Variants in SUGCT observed in about 807,000 individuals in gnomAD.
The protein encoded by SUGCT is succinyl-CoA:glutarate CoA-transferase.
Under a neutral mutation model 55.0 loss-of-function variants are expected in SUGCT, and 41 were observed. The observed-to-expected ratio is 0.74, with a 90% CI of 0.58 to 0.97. The LOEUF is 0.97. Among genes scored for constraint, SUGCT ranks in the 50% least tolerant of loss-of-function variants. SUGCT has a pLI of 0.00. For synonymous variants in SUGCT, 187 were observed against 200.4 expected (o/e 0.93, Z 0.56); for missense variants, 568 against 547.8 (o/e 1.04, Z -0.37).
chr7:40,266,154 T>C (rs1426148166), intron 7 of SUGCT, among the ~76,000 whole-genome samples: 1 of 150,842 alleles, frequency 6.6e-6, no homozygotes, highest in Non-Finnish European at 1.5e-5. Context: ...GAAATAGTTT[T>C]TTTTCTTTTT....
chr7:40,329,712 C>T (rs938758630), intron 9 of SUGCT, among the ~76,000 whole-genome samples: 8 of 152,052 alleles, frequency 5.3e-5, no homozygotes, highest in African/African-American at 1.9e-4. Context: ...ATTTGTTTTC[C>T]TTAGACCCTT....
At chr7:40,622,004 T>C (rs905402747) in intron 12 of SUGCT, among the ~76,000 whole-genome samples, 1 of 152,222 alleles carries the variant, frequency 6.6e-6, no homozygotes, top group Non-Finnish European at 1.5e-5. Flanking sequence ...GTTAGGCAGC[T>C]GTCCACAGCA....
At chr7:40,706,449 T>C (rs1341832778) in intron 12 of SUGCT, among the ~76,000 whole-genome samples, 1 of 152,150 alleles carries the variant, frequency 6.6e-6, no homozygotes, top group Non-Finnish European at 1.5e-5. Context: ...GAGGTTGCAG[T>C]GAGCCAAGAT....
intron 12 of SUGCT, among the ~76,000 whole-genome samples, chr7:40,721,271 G>C (rs1390106838): frequency 6.6e-6 from 1 of 152,190 alleles, no homozygotes; most frequent in Non-Finnish European, 1.5e-5. Flanking sequence ...AACCAGATTA[G>C]CATGAAACAG....
intron 12 of SUGCT, among the ~76,000 whole-genome samples, chr7:40,704,614 C>T (rs763117744): frequency 5.9e-5 from 9 of 152,106 alleles, no homozygotes; most frequent in Admixed American, 1.3e-4. Context: ...GGCAATCTGT[C>T]CAAGGATGAG....
At chr7:40,464,176 TCTCTCTTC>T (rs2151456197) in intron 11 of SUGCT, among the ~76,000 whole-genome samples, 1 of 152,314 alleles carries the variant, frequency 6.6e-6, no homozygotes, top group African/African-American at 2.4e-5. Context: ...TTTTATTCTC[TCTCTCTTC>T]CTCTCTTCAC....
intron 12 of SUGCT, among the ~76,000 whole-genome samples, chr7:40,579,150 G>A (rs1002193952): frequency 2.0e-5 from 3 of 150,782 alleles, no homozygotes; most frequent in African/African-American, 7.3e-5. Context: ...ATAACTTTTT[G>A]TGATCTGCCA....
chr7:40,299,453 C>A (rs1393154549), intron 8 of SUGCT, among the ~76,000 whole-genome samples: 1 of 152,168 alleles, frequency 6.6e-6, no homozygotes, highest in Non-Finnish European at 1.5e-5. Flanking sequence ...TGTAAACACT[C>A]CCACATAGCT....
the SUGCT span, among the ~76,000 whole-genome samples, chr7:40,960,417 G>A: frequency 6.6e-6 from 1 of 152,128 alleles, no homozygotes; most frequent in Non-Finnish European, 1.5e-5. Context: ...AATGACATCA[G>A]TATTTTTGAG....
chr7:40,339,451 G>A (rs113133936), intron 9 of SUGCT, among the ~76,000 whole-genome samples: 2,331 of 152,212 alleles, frequency 0.015, 49 homozygotes, highest in South Asian at 0.06. Flanking sequence ...AATGGTGGGC[G>A]CCCCTCTCCT....
chr7:40,621,758 C>G (rs1395862796), intron 12 of SUGCT, among the ~76,000 whole-genome samples: 7 of 152,200 alleles, frequency 4.6e-5, no homozygotes. Context: ...GCTATCTTAT[C>G]TTTAAACCAA....
intron 12 of SUGCT, among the ~76,000 whole-genome samples, chr7:40,534,443 G>C (rs535845190): frequency 2.0e-5 from 3 of 151,880 alleles, no homozygotes; most frequent in African/African-American, 7.2e-5. Flanking sequence ...TTAGTGCAGT[G>C]GCACGATCTT....
intron 12 of SUGCT, among the ~76,000 whole-genome samples, chr7:40,703,374 T>C (rs1785252727): frequency 6.6e-6 from 1 of 152,186 alleles, no homozygotes; most frequent in South Asian, 2.1e-4. Flanking sequence ...CCTGGAGATC[T>C]CAGCACAGGT....
chr7:40,850,567 G>T (rs951439583), intron 13 of SUGCT, among the ~76,000 whole-genome samples: 2 of 152,066 alleles, frequency 1.3e-5, no homozygotes, highest in Non-Finnish European at 2.9e-5. Context: ...AAAGAGTGTG[G>T]CTTGGGTAAT....
chr7:40,496,993 T>C (rs1792018305), intron 12 of SUGCT, among the ~76,000 whole-genome samples: 1 of 152,180 alleles, frequency 6.6e-6, no homozygotes, highest in Non-Finnish European at 1.5e-5. Flanking sequence ...CCTGAAAATA[T>C]ATTTACTTTA....
At chr7:40,137,978 C>T (rs1229635231) in intron 1 of SUGCT, among the ~76,000 whole-genome samples, 1 of 152,110 alleles carries the variant, frequency 6.6e-6, no homozygotes, top group African/African-American at 2.4e-5. Flanking sequence ...CCCCTGTGCC[C>T]CAGCCAGTTA....
the SUGCT span, among the ~76,000 whole-genome samples, chr7:41,023,750 G>A: frequency 5.9e-5 from 9 of 151,364 alleles, no homozygotes; most frequent in South Asian, 8.3e-4. Flanking sequence ...TCTGGGAAGG[G>A]ATTTTTTTTT....
At chr7:40,772,572 C>A (rs1418346582) in intron 13 of SUGCT, among the ~76,000 whole-genome samples, 1 of 136,832 alleles carries the variant, frequency 7.3e-6, no homozygotes, top group Non-Finnish European at 1.6e-5. Context: ...CTGGTGTTAT[C>A]TATCTGCTAT....
intron 1 of SUGCT, among the ~76,000 whole-genome samples, chr7:40,163,647 C>A (rs1433436886): frequency 6.6e-6 from 1 of 151,128 alleles, no homozygotes; most frequent in African/African-American, 2.4e-5. Context: ...ATATCTAGCA[C>A]AGATTAGTTT....
Sources: allele counts gnomAD v4.1 joint callset (sites outside exome capture counted in the v4.1 genomes callset), GRCh38; gene constraint gnomAD v4.1.1; transcripts MANE v1.5; gene names NCBI Gene and HGNC (gene_info 2026-07-23, HGNC 2026-07-21).